The following PCBP3 variants were observed in gnomAD, a reference collection of about 807,000 sequenced individuals.
PCBP3 encodes poly(rC) binding protein 3.
In PCBP3, 25 loss-of-function variants were observed where a neutral mutation model predicts 52.7. The ratio of observed to expected loss-of-function variants is 0.47; its 90% CI spans 0.35 to 0.66. PCBP3 has a LOEUF of 0.66. Among genes scored for constraint, PCBP3 ranks in the 30% least tolerant of loss-of-function variants. The probability of loss-of-function intolerance (pLI) is 0.01; values close to 1 mark genes in which losing one functional copy is unlikely to be tolerated. For synonymous variants in PCBP3, 162 were observed against 183.0 expected, an observed-to-expected ratio of 0.89 and a Z score of 0.93; for missense variants, 391 against 490.3, an observed-to-expected ratio of 0.80 and a Z score of 1.91.
chr21:45,659,691 T>G (rs1169265039), intron 1 of PCBP3, among the ~76,000 whole-genome samples: 1 of 152,192 alleles, frequency 6.6e-6, no homozygotes, highest in Admixed American at 6.5e-5. Context: ...ATTTCCCTTG[T>G]GGTTTCTCCC....
intron 4 of PCBP3, among the ~76,000 whole-genome samples, chr21:45,813,559 A>C (rs1039428207): frequency 4.1e-4 from 62 of 152,284 alleles, no homozygotes; most frequent in African/African-American, 1.3e-3. Flanking sequence ...CTCCTGCCTC[A>C]GCCTCCTGAG....
chr21:45,822,122 G>A (rs911743230), intron 4 of PCBP3, among the ~76,000 whole-genome samples: 69 of 152,174 alleles, frequency 4.5e-4, no homozygotes, highest in Admixed American at 2.1e-3. Flanking sequence ...CATAGCCTCC[G>A]GTATCTCTCT....
chr21:45,659,523 A>G (rs1170731009), intron 1 of PCBP3, among the ~76,000 whole-genome samples: 1 of 150,722 alleles, frequency 6.6e-6, no homozygotes, highest in East Asian at 2.0e-4. Context: ...CTAATTTTTT[A>G]ATTTTTTGTG....
chr21:45,649,199 T>C (rs2146778950), intron 1 of PCBP3, among the ~76,000 whole-genome samples: 1 of 152,274 alleles, frequency 6.6e-6, no homozygotes, highest in South Asian at 2.1e-4. Flanking sequence ...GAGAGAGAGC[T>C]TGTGCAGGGA....
At chr21:45,845,522 G>T (rs1030895375) in intron 4 of PCBP3, among the ~76,000 whole-genome samples, 11 of 151,528 alleles carry the variant, frequency 7.3e-5, no homozygotes, top group African/African-American at 2.7e-4. Flanking sequence ...GTTTGTGAGT[G>T]TGTGCCTTTG....
intron 9 of PCBP3, among the ~76,000 whole-genome samples, chr21:45,902,424 A>C (rs1176377971): frequency 2.0e-5 from 3 of 152,214 alleles, no homozygotes. Flanking sequence ...GAGGATAGAC[A>C]GTTCAGGAAA....
At chr21:45,903,774 TC>T (rs759281226) in intron 9 of PCBP3, among the ~76,000 whole-genome samples, 2 of 152,160 alleles carry the variant, frequency 1.3e-5, no homozygotes, top group African/African-American at 2.4e-5. Context: ...GCAGACATTG[TC>T]CCTTGTCCAA....
chr21:45,774,006 C>CT (rs1431733684), intron 4 of PCBP3, among the ~76,000 whole-genome samples: 1 of 152,066 alleles, frequency 6.6e-6, no homozygotes, highest in African/African-American at 2.4e-5. Flanking sequence ...TGATTGTCTT[C>CT]TTGATTTCTT....
At chr21:45,661,601 T>G (rs2080394689) in intron 1 of PCBP3, among the ~76,000 whole-genome samples, 1 of 152,226 alleles carries the variant, frequency 6.6e-6, no homozygotes, top group Non-Finnish European at 1.5e-5. Flanking sequence ...TCATGAATAG[T>G]GCTGTAATAA....
At chr21:45,809,648 A>C (rs1017043053) in intron 4 of PCBP3, among the ~76,000 whole-genome samples, 15 of 152,234 alleles carry the variant, frequency 9.9e-5, no homozygotes, top group Admixed American at 3.3e-4. Context: ...CGCTGCCACT[A>C]CAGCAGCTGC....
intron 5 of PCBP3, among the ~76,000 whole-genome samples, chr21:45,860,847 C>T (rs574832022): frequency 7.2e-5 from 11 of 152,306 alleles, no homozygotes; most frequent in East Asian, 3.9e-4. Context: ...AACAGTGTGG[C>T]GAGGAGCAGC....
chr21:45,818,248 C>T (rs575396560), intron 4 of PCBP3, among the ~76,000 whole-genome samples: 1 of 152,246 alleles, frequency 6.6e-6, no homozygotes, highest in East Asian at 1.9e-4. Flanking sequence ...GTCTCGATCT[C>T]CTGACCTCAT....
intron 4 of PCBP3, among the ~76,000 whole-genome samples, chr21:45,766,620 C>T (rs141443804): frequency 3.4e-4 from 52 of 152,296 alleles, no homozygotes; most frequent in African/African-American, 1.1e-3. Context: ...TTTTACCTCA[C>T]GGTTACACTT....
intron 5 of PCBP3, among the ~76,000 whole-genome samples, chr21:45,879,818 ATT>A (rs1190524635): frequency 6.6e-6 from 1 of 152,086 alleles, no homozygotes; most frequent in East Asian, 1.9e-4. Context: ...CTCTAGAGAA[ATT>A]TATAGCATGA....
At chr21:45,687,649 A>G (rs2082229848) in intron 2 of PCBP3, among the ~76,000 whole-genome samples, 1 of 152,244 alleles carries the variant, frequency 6.6e-6, no homozygotes, top group Admixed American at 6.5e-5. Context: ...CTCACATTAA[A>G]TATAAAGATA....
At chr21:45,785,502 C>T (rs1284842503) in intron 4 of PCBP3, among the ~76,000 whole-genome samples, 1,114 of 58,136 alleles carry the variant, frequency 0.019, 112 homozygotes, top group African/African-American at 0.13. Flanking sequence ...CCGCCCCGTC[C>T]GGGAGGGGGG....
Position 45,896,270 on chromosome 21 carries a change from C to A in PCBP3, c.73C>A (p.Pro25Thr). 1.3e-6 allele frequency: 2 copies of A among 1,552,242 alleles called. No homozygotes were observed. Residue 25 changes from proline to threonine, a missense_variant, in exon 6 of 18, where the codon CCT becomes ACT. Coordinates refer to ENST00000681687, the MANE Select transcript of PCBP3 (RefSeq NM_001384156.1). ...CACCCTCAGCACCTTAAGCCACCAC[C>A]CTCAGCCACAATTTGGCAGAAGGAT... is the stretch of plus-strand genomic sequence containing the variant. ...HSTLSTLSHH[P>T]QPQFGRRMES... is the part of the protein sequence containing the mutation.
intron 2 of PCBP3, among the ~76,000 whole-genome samples, chr21:45,706,758 C>T (rs1395645396): frequency 6.6e-6 from 1 of 152,232 alleles, no homozygotes; most frequent in Non-Finnish European, 1.5e-5. Context: ...TTAGGGTGAG[C>T]ACGCTGCCTT....
chr21:45,778,808 A>G (rs2090433793), intron 4 of PCBP3, among the ~76,000 whole-genome samples: 1 of 152,152 alleles, frequency 6.6e-6, no homozygotes, highest in South Asian at 2.1e-4. Flanking sequence ...TAGTGAGGGC[A>G]GGTACCAGCT....
Sources: gnomAD v4.1 joint callset for allele counts (sites outside exome capture counted in the v4.1 genomes callset) on GRCh38, gnomAD v4.1.1 for gene constraint, MANE v1.5 for transcripts, NCBI Gene and HGNC (gene_info 2026-07-23, HGNC 2026-07-21) for gene names.